The following RGPD1 variants were observed in gnomAD, a reference collection of about 807,000 sequenced individuals.
RGPD1 encodes the protein RANBP2-like and GRIP domain-containing protein 1.
In RGPD1, 7 loss-of-function variants were observed where a neutral mutation model predicts 40.6. The observed-to-expected ratio is 0.17, with a 90% CI of 0.10 to 0.32. The LOEUF (loss-of-function observed/expected upper bound fraction) is 0.32. Among genes scored for constraint, RGPD1 ranks in the 10% least tolerant of loss-of-function variants. The probability of loss-of-function intolerance (pLI) is 1.00; values close to 1 mark genes in which losing one functional copy is unlikely to be tolerated. For synonymous variants in RGPD1, 24 were observed against 167.0 expected (o/e 0.14, Z 6.60); for missense variants, 50 against 472.5 (o/e 0.11, Z 8.29).
intron 1 of RGPD1, chr2:86,913,953 G>A (rs746730904): frequency 4.6e-6 from 6 of 1,295,892 alleles, no homozygotes; most frequent in Admixed American, 4.5e-5. Flanking sequence ...CGACGGCCTC[G>A]ACCTGGCGGG....
intron 1 of RGPD1, among the ~76,000 whole-genome samples, chr2:86,935,255 A>T (rs2104730551): frequency 9.4e-6 from 1 of 106,926 alleles, no homozygotes; most frequent in Admixed American, 1.0e-4. Flanking sequence ...TTGGAGAAGC[A>T]TACTTTGGCT....
chr2:87,008,691 G>A (rs1260003627), intron 22 of RGPD1, among the ~76,000 whole-genome samples: 19 of 9,536 alleles, frequency 2.0e-3, no homozygotes, highest in Non-Finnish European at 4.3e-3. Flanking sequence ...GGGCTCTAAT[G>A]TAAAAATGGC....
At chr2:86,942,576 CCTCGAT>C (rs1558799818) in intron 1 of RGPD1, among the ~76,000 whole-genome samples, 10 of 133,940 alleles carry the variant, frequency 7.5e-5, no homozygotes, top group South Asian at 2.3e-4. Flanking sequence ...CCGGCGGCGG[CCTCGAT>C]GGCTCAGGCG....
chr2:86,925,871 T>C (rs1207159305), intron 1 of RGPD1, among the ~76,000 whole-genome samples: 4 of 152,188 alleles, frequency 2.6e-5, no homozygotes, highest in African/African-American at 9.7e-5. Flanking sequence ...CGCCTGGCCT[T>C]GTACATGTTA....
chr2:86,930,848 C>T (rs1244947385), intron 1 of RGPD1: 137 of 736,388 alleles, frequency 1.9e-4, no homozygotes, highest in African/African-American at 9.1e-4. Context: ...GGTCCCTGCC[C>T]GGCCCATCTT....
At chr2:86,940,751 C>T (rs908802542), upstream of RGPD1, among the ~76,000 whole-genome samples, 22 of 152,104 alleles carry the variant, frequency 1.4e-4, no homozygotes, top group Non-Finnish European at 2.8e-4. Flanking sequence ...TGTGCCACAA[C>T]TACTGGCTTC....
At chr2:86,915,023 T>C (rs1027281307) in intron 1 of RGPD1, among the ~76,000 whole-genome samples, 11 of 149,596 alleles carry the variant, frequency 7.4e-5, no homozygotes, top group Non-Finnish European at 1.3e-4. Flanking sequence ...CTGCTGGGCA[T>C]GGTGGCTCAC....
At chr2:86,944,472 G>A (rs1224521499) in intron 1 of RGPD1, among the ~76,000 whole-genome samples, 1 of 151,454 alleles carries the variant, frequency 6.6e-6, no homozygotes, top group African/African-American at 2.4e-5. Context: ...GCGCTATCTC[G>A]ACTCACTGCA....
intron 1 of RGPD1, among the ~76,000 whole-genome samples, chr2:86,936,826 C>T (rs1204775955): frequency 7.0e-6 from 1 of 143,406 alleles, no homozygotes; most frequent in African/African-American, 2.7e-5. Context: ...TTTGGGGACT[C>T]GAAATTCTCC....
At chr2:86,926,733 C>T (rs1678535611) in intron 1 of RGPD1, among the ~76,000 whole-genome samples, 1 of 151,982 alleles carries the variant, frequency 6.6e-6, no homozygotes, top group African/African-American at 2.4e-5. Context: ...CACATTAATC[C>T]CATGTGGTAG....
chr2:86,941,946 A>G (rs1447234399), upstream of RGPD1, among the ~76,000 whole-genome samples: 3 of 151,512 alleles, frequency 2.0e-5, no homozygotes, highest in Non-Finnish European at 4.4e-5. Flanking sequence ...TCATGACCTC[A>G]GGTGATCCGC....
chr2:86,914,175 TGG>T (rs1677613944), intron 1 of RGPD1, among the ~76,000 whole-genome samples: 1 of 32,856 alleles, frequency 3.0e-5, no homozygotes, highest in African/African-American at 1.0e-4. Flanking sequence ...GGCCTCGGCC[TGG>T]CCGGACGGCG....
chr2:86,954,817 C>T (rs1402447888), intron 4 of RGPD1, among the ~76,000 whole-genome samples: 1 of 146,390 alleles, frequency 6.8e-6, no homozygotes, highest in East Asian at 2.0e-4. Flanking sequence ...CCACTACTGT[C>T]AAGATACAGA....
intron 7 of RGPD1, among the ~76,000 whole-genome samples, chr2:86,963,727 CT>C (rs1003885586): frequency 1.4e-4 from 7 of 48,808 alleles, no homozygotes; most frequent in Non-Finnish European, 2.3e-4. Context: ...AACATAAAAC[CT>C]TTTCTTATTT....
At chr2:86,916,511 C>CT (rs1298340299) in intron 1 of RGPD1, among the ~76,000 whole-genome samples, 49 of 31,888 alleles carry the variant, frequency 1.5e-3, no homozygotes, top group East Asian at 3.3e-3. Flanking sequence ...TTCATAGTGA[C>CT]TTTTTTTTTT....
intron 1 of RGPD1, among the ~76,000 whole-genome samples, chr2:86,935,146 TA>T (rs1679261299): frequency 6.8e-6 from 1 of 148,134 alleles, no homozygotes; most frequent in South Asian, 2.2e-4. Flanking sequence ...AGATTTTTGT[TA>T]CCCTGTTTAG....
chr2:86,942,269 C>T lies in RGPD1; in HGVS notation c.33C>T (p.Tyr11=), dbSNP rs558026351. The T allele has an allele frequency of 5.2e-5, 83 of 1,606,906 alleles. No individual in the cohort carries two copies. The highest frequency in any genetic ancestry group is 3.7e-4 in the Admixed American group (22 of 59,622). The change falls in exon 1 of 23, where the codon TAC becomes TAT. Residue 11 remains tyrosine, a synonymous_variant. Coordinates refer to ENST00000641458, the MANE Select transcript of RGPD1 (RefSeq NM_001382344.1). ...GCAGCAAGGCCTACGGGGAGCGGTA[C>T]GTCGCCTCGGTGCAGGGCTCCGCCC... The part of the protein sequence containing the change: MRRSKAYGER[Y]VASVQGSAPS...
At chr2:86,932,063 G>A (rs1221501784) in intron 1 of RGPD1, among the ~76,000 whole-genome samples, 6 of 145,388 alleles carry the variant, frequency 4.1e-5, no homozygotes, top group Non-Finnish European at 9.0e-5. Context: ...AACAGACTTG[G>A]AAGGGCAAAT....
chr2:86,943,825 A>G (rs1386680725), intron 1 of RGPD1, among the ~76,000 whole-genome samples: 1 of 152,176 alleles, frequency 6.6e-6, no homozygotes, highest in African/African-American at 2.4e-5. Context: ...AACCTGGCTA[A>G]CATGTCGAGA....
Sources: allele counts gnomAD v4.1 joint callset (sites outside exome capture counted in the v4.1 genomes callset), GRCh38; gene constraint gnomAD v4.1.1; transcripts MANE v1.5; gene names NCBI Gene and HGNC (gene_info 2026-07-23, HGNC 2026-07-21).